Variants in GOLIM4 observed in about 807,000 individuals in gnomAD.
GOLIM4 encodes golgi integral membrane protein 4, also known as 130 kDa golgi-localized phosphoprotein.
A neutral mutation model predicts 107.4 loss-of-function variants in GOLIM4; 71 were observed. The observed-to-expected ratio is 0.66, with a 90% CI of 0.55 to 0.81. GOLIM4 has a LOEUF of 0.81. GOLIM4 is among the 30% of genes least tolerant of loss of function. The pLI, the probability that GOLIM4 is intolerant of heterozygous loss-of-function variation, is 0.00. For synonymous variants in GOLIM4, 327 were observed against 294.8 expected (o/e 1.11, Z -1.12); for missense variants, 830 against 826.1 (o/e 1.00, Z -0.06).
chr3:168,043,512 T>C lies in GOLIM4; in HGVS notation c.384A>G (p.Leu128=), dbSNP rs1434779805. The change falls in exon 5 of 16, where the codon CTA becomes CTG. Residue 128 remains leucine (L), a synonymous_variant. Coordinates refer to ENST00000470487, the MANE Select transcript of GOLIM4 (RefSeq NM_014498.5). ...CTTCCAAGTCACTGTGCTGTTTCTT[T>C]AGCTCCTCGTGTTGGCTCTGCAAAG... ...HQMLKSQHEE[L]KKQHSDLEEE... is the part of the protein sequence containing the mutation. The C allele has an allele frequency of 6.2e-7, 1 of 1,611,250 alleles. No individual in the cohort carries two copies. Among genetic ancestry groups the C allele is most frequent in the East Asian group, 2.2e-5 (1 of 44,778 alleles).
chr3:168,087,086 C>T (rs1161071856), intron 1 of GOLIM4, among the ~76,000 whole-genome samples: 1 of 152,070 alleles, frequency 6.6e-6, no homozygotes, highest in Non-Finnish European at 1.5e-5. Flanking sequence ...TGCAGGCACC[C>T]CTCAGGCGAG....
At chr3:168,088,212 G>T (rs1721722450) in intron 1 of GOLIM4, among the ~76,000 whole-genome samples, 1 of 152,118 alleles carries the variant, frequency 6.6e-6, no homozygotes, top group Admixed American at 6.5e-5. Context: ...CAAAAGGGTA[G>T]AAAAGACAGA....
At chr3:168,017,946 T>C (rs1412344367) in intron 14 of GOLIM4, among the ~76,000 whole-genome samples, 1 of 152,206 alleles carries the variant, frequency 6.6e-6, no homozygotes, top group Non-Finnish European at 1.5e-5. Context: ...AAAGCAAGCA[T>C]CCAAATATTT....
At chr3:168,033,849 G>A (rs908706015) in intron 8 of GOLIM4, among the ~76,000 whole-genome samples, 2 of 151,980 alleles carry the variant, frequency 1.3e-5, no homozygotes, top group Non-Finnish European at 2.9e-5. Flanking sequence ...AAAATTAGTT[G>A]ACTCAAATCA....
intron 1 of GOLIM4, among the ~76,000 whole-genome samples, chr3:168,061,702 C>T (rs571430235): frequency 6.6e-6 from 1 of 152,284 alleles, no homozygotes; most frequent in South Asian, 2.1e-4. Context: ...GTGGTACTTA[C>T]TGAATGATTA....
chr3:168,023,914 G>A (rs566976456), intron 14 of GOLIM4, among the ~76,000 whole-genome samples: 12 of 152,288 alleles, frequency 7.9e-5, no homozygotes, highest in East Asian at 5.8e-4. Context: ...CAAGATGCCC[G>A]AAGTTTACAA....
chr3:168,024,449 A>G, intron 14 of GOLIM4, 77 bp downstream of exon 14: 1 of 1,056,434 alleles, frequency 9.5e-7, no homozygotes, highest in Non-Finnish European at 1.5e-6. Context: ...GTCAAAGTCA[A>G]TACTGCTGAG....
chr3:168,081,394 G>A (rs1721356441), intron 1 of GOLIM4, among the ~76,000 whole-genome samples: 1 of 152,214 alleles, frequency 6.6e-6, no homozygotes, highest in Non-Finnish European at 1.5e-5. Flanking sequence ...CATGGACATA[G>A]TAGGCAGGGT....
intron 1 of GOLIM4, among the ~76,000 whole-genome samples, chr3:168,091,259 C>T (rs1158830347): frequency 6.6e-6 from 1 of 152,164 alleles, no homozygotes; most frequent in African/African-American, 2.4e-5. Context: ...GATGGTTTCT[C>T]CTTATCCCTG....
In GOLIM4 at chr3:168,040,811, T is replaced by G; in HGVS notation, c.659A>C (p.His220Pro). 1 of 1,612,790 alleles carries G rather than the reference T, an allele frequency of 6.2e-7. No homozygotes were observed. ...CTGTGCAGCAGCTAGTGCACTCTTG[T>G]GGTCTTCCAAAGTCACTACAAGTTG... Reference protein sequence around the residue: ...HEQLVVTLEDHKSALAAAQTQ... With the variant: ...HEQLVVTLEDPKSALAAAQTQ... Residue 220 changes from histidine to proline, a missense_variant, in exon 7 of 16, where the codon CAC (histidine) becomes CCC (proline). By Grantham distance (77) the His-to-Pro change is moderately conservative (BLOSUM62 -2). Coordinates refer to ENST00000470487, the MANE Select transcript of GOLIM4 (RefSeq NM_014498.5).
At chr3:168,071,474 G>A (rs1720825837) in intron 1 of GOLIM4, among the ~76,000 whole-genome samples, 1 of 152,048 alleles carries the variant, frequency 6.6e-6, no homozygotes, top group African/African-American at 2.4e-5. Flanking sequence ...GCAACCTGGA[G>A]TGAAGAAGCT....
intron 1 of GOLIM4, among the ~76,000 whole-genome samples, chr3:168,055,979 C>A (rs559062389): frequency 6.6e-6 from 1 of 152,204 alleles, no homozygotes; most frequent in African/African-American, 2.4e-5. Context: ...AACTAGGAGC[C>A]AAATGTTAAC....
At chr3:168,092,516 C>T (rs1036371367) in intron 1 of GOLIM4, among the ~76,000 whole-genome samples, 5 of 152,072 alleles carry the variant, frequency 3.3e-5, no homozygotes, top group South Asian at 2.1e-4. Flanking sequence ...GCTCACTTAA[C>T]GAACGCACAT....
At chr3:168,071,959 C>T (rs1051467319) in intron 1 of GOLIM4, among the ~76,000 whole-genome samples, 13 of 152,216 alleles carry the variant, frequency 8.5e-5, no homozygotes, top group African/African-American at 3.1e-4. Context: ...CAACATAGCA[C>T]TTAAATCTGC....
intron 1 of GOLIM4, among the ~76,000 whole-genome samples, chr3:168,054,423 C>G (rs990455020): frequency 6.6e-6 from 1 of 152,186 alleles, no homozygotes; most frequent in African/African-American, 2.4e-5. Flanking sequence ...AGCCTCACTG[C>G]TCTTGCTCCA....
At chr3:168,080,456 G>A (rs1157597464) in intron 1 of GOLIM4, among the ~76,000 whole-genome samples, 1 of 152,144 alleles carries the variant, frequency 6.6e-6, no homozygotes, top group African/African-American at 2.4e-5. Context: ...TTAAGATTCA[G>A]CTCCTCAGTC....
chr3:168,056,353 G>C (rs187808095), intron 1 of GOLIM4, among the ~76,000 whole-genome samples: 1 of 152,254 alleles, frequency 6.6e-6, no homozygotes, highest in Non-Finnish European at 1.5e-5. Context: ...GTTTGCTCAG[G>C]GGGAGGGCAC....
chr3:168,071,961 T>G (rs1265932796), intron 1 of GOLIM4, among the ~76,000 whole-genome samples: 3 of 152,132 alleles, frequency 2.0e-5, no homozygotes, highest in Non-Finnish European at 4.4e-5. Flanking sequence ...ACATAGCACT[T>G]AAATCTGCTT....
At chr3:168,029,086 A>C (rs899267579) in intron 11 of GOLIM4, 137 bp downstream of exon 11, 7 of 546,464 alleles carry the variant, frequency 1.3e-5, no homozygotes, top group Non-Finnish European at 2.2e-5. Flanking sequence ...GATTAAGAAA[A>C]AGACATGATT....
Sources: allele counts gnomAD v4.1 joint callset (sites outside exome capture counted in the v4.1 genomes callset), GRCh38; gene constraint gnomAD v4.1.1; transcripts MANE v1.5; gene names NCBI Gene and HGNC (gene_info 2026-07-23, HGNC 2026-07-21).